DPP10: variants seen among roughly 807,000 people sequenced by gnomAD.
The protein encoded by DPP10 is dipeptidyl peptidase like 10, also known as inactive dipeptidyl peptidase 10.
DPP10 carries 33 observed loss-of-function variants against 120.9 expected under a neutral mutation model. The ratio of observed to expected loss-of-function variants is 0.27; its 90% CI spans 0.21 to 0.37. DPP10 has a LOEUF of 0.37. Among genes scored for constraint, DPP10 ranks in the 10% least tolerant of loss-of-function variants. DPP10 has a pLI of 1.00. For missense variants in DPP10, 816 were observed against 942.8 expected, an observed-to-expected ratio of 0.87 and a Z score of 1.76; for synonymous variants, 337 against 326.1, an observed-to-expected ratio of 1.03 and a Z score of -0.36.
At position 114,742,294 on chromosome 2, in the gene DPP10, T is replaced by A. The variant is rs1022360277; in HGVS notation, c.60+299456T>A. Among the ~76,000 whole-genome samples, 3 of 151,654 alleles carry A rather than the reference T, an allele frequency of 2.0e-5. No homozygotes were observed. In the South Asian group the frequency reaches 6.3e-4, roughly 32 times the overall value. The stretch of plus-strand genomic sequence containing the variant: ...AATTGCAAAAACTAATGTTGACTAA[T>A]GTTAAAATAGTGAAAAAAAATTAAA... On this transcript the variant is annotated intron_variant, in intron 1 of 25. Coordinates refer to ENST00000410059, the MANE Select transcript of DPP10 (RefSeq NM_020868.6).
At chr2:114,613,374 G>C (rs1013058782) in intron 1 of DPP10, among the ~76,000 whole-genome samples, 3 of 152,142 alleles carry the variant, frequency 2.0e-5, no homozygotes, top group Non-Finnish European at 4.4e-5. Flanking sequence ...GAACTGCCAG[G>C]ACACAAAATT....
At position 115,525,948 on chromosome 2, in the gene DPP10, C is replaced by G; in HGVS notation, c.417C>G (p.Val139=). 1 of 1,609,848 alleles carries G rather than the reference C, an allele frequency of 6.2e-7. No individual in the cohort carries two copies. The highest frequency in any genetic ancestry group is 8.5e-7 in the Non-Finnish European group (1 of 1,178,238). The change falls in exon 5 of 26, where the codon GTC becomes GTG. Residue 139 remains valine, a synonymous_variant. Coordinates refer to ENST00000410059, the MANE Select transcript of DPP10 (RefSeq NM_020868.6). Reference sequence around the variant, plus strand: ...CAGTTTCACCAGATTTAAAATATGTCCTTCTGGCATATGATGTCAAACAGG... The same window carrying G: ...CAGTTTCACCAGATTTAAAATATGTGCTTCTGGCATATGATGTCAAACAGG... ...RHSVSPDLKY[V]LLAYDVKQIF...
chr2:115,227,235 A>G (rs144931869), intron 1 of DPP10, among the ~76,000 whole-genome samples: 91 of 152,252 alleles, frequency 6.0e-4, no homozygotes, highest in African/African-American at 2.1e-3. Flanking sequence ...TGAAAAGACA[A>G]TTATGTGAAT....
At chr2:115,566,637 C>T (rs911290838) in intron 5 of DPP10, among the ~76,000 whole-genome samples, 1 of 152,018 alleles carries the variant, frequency 6.6e-6, no homozygotes, top group African/African-American at 2.4e-5. Context: ...GTAAGTTTTT[C>T]CAGGCTCATT....
rs114651933 is a variant in DPP10 at position 115,475,935 on chromosome 2, G to A, written c.272-23575G>A. 7.4e-3 allele frequency among the ~76,000 whole-genome samples: 1,127 copies of A among 152,302 alleles called. 6 individuals are homozygous for A. The highest frequency in any genetic ancestry group is 0.025 in the African/African-American group (1,032 of 41,566). On this transcript the variant is annotated intron_variant, in intron 3 of 25. Coordinates refer to ENST00000410059, the MANE Select transcript of DPP10 (RefSeq NM_020868.6). ...CCTATACCAACATTGTATCTTGGAA[G>A]TAACTAACTTGTTTTTGATTTTACA...
intron 13 of DPP10, among the ~76,000 whole-genome samples, chr2:115,771,168 A>T (rs927947118): frequency 6.6e-6 from 1 of 151,762 alleles, no homozygotes; most frequent in Non-Finnish European, 1.5e-5. Flanking sequence ...CCCTCCTCCC[A>T]GGTTCAAGCC....
chr2:115,624,677 C>T (rs1456942302), intron 5 of DPP10, among the ~76,000 whole-genome samples: 2 of 152,182 alleles, frequency 1.3e-5, no homozygotes, highest in Middle Eastern at 3.4e-3. Context: ...TGTGAAGCAC[C>T]GAGTAGATGG....
chr2:114,784,767 C>G (rs1428531051), intron 1 of DPP10, among the ~76,000 whole-genome samples: 5 of 150,784 alleles, frequency 3.3e-5, no homozygotes, highest in East Asian at 1.9e-4. Flanking sequence ...AATAGAACAA[C>G]TTATAGAACT....
intron 1 of DPP10, among the ~76,000 whole-genome samples, chr2:115,078,913 G>A (rs1708014692): frequency 6.6e-6 from 1 of 152,116 alleles, no homozygotes; most frequent in South Asian, 2.1e-4. Flanking sequence ...TCATGCTGAA[G>A]AGATATTTAT....
chr2:115,703,711 A>G (rs1408711066), intron 7 of DPP10, among the ~76,000 whole-genome samples: 1 of 152,020 alleles, frequency 6.6e-6, no homozygotes, highest in Non-Finnish European at 1.5e-5. Flanking sequence ...TGTTGATCAC[A>G]TCGACTAAAT....
chr2:114,741,210 T>A (rs1678027998), intron 1 of DPP10, among the ~76,000 whole-genome samples: 2 of 152,206 alleles, frequency 1.3e-5, no homozygotes, highest in Admixed American at 6.5e-5. Flanking sequence ...CAAAGCTACT[T>A]ACCAGGCATG....
intron 1 of DPP10, among the ~76,000 whole-genome samples, chr2:114,527,658 G>A (rs989869607): frequency 4.7e-4 from 71 of 152,092 alleles, no homozygotes; most frequent in Non-Finnish European, 9.6e-4. Flanking sequence ...GTTATGCACC[G>A]TTTAATGACA....
At chr2:115,221,433 A>G (rs72955559) in intron 1 of DPP10, among the ~76,000 whole-genome samples, 2,460 of 152,262 alleles carry the variant, frequency 0.016, 59 homozygotes, top group African/African-American at 0.056. Context: ...GGAACAGCCT[A>G]TTTTTGAATA....
At chr2:114,836,233 C>A (rs1416948748) in intron 1 of DPP10, among the ~76,000 whole-genome samples, 1 of 152,114 alleles carries the variant, frequency 6.6e-6, no homozygotes, top group Non-Finnish European at 1.5e-5. Flanking sequence ...CCATTTGTGA[C>A]CCATGTGTAT....
intron 7 of DPP10, among the ~76,000 whole-genome samples, chr2:115,697,724 G>T (rs1193374888): frequency 6.6e-6 from 1 of 152,100 alleles, no homozygotes; most frequent in African/African-American, 2.4e-5. Context: ...AGTGGCTGAC[G>T]CCTGTAATCC....
intron 1 of DPP10, among the ~76,000 whole-genome samples, chr2:114,490,642 A>G (rs937152391): frequency 6.6e-6 from 1 of 152,172 alleles, no homozygotes; most frequent in Non-Finnish European, 1.5e-5. Context: ...GGAGAAGCAA[A>G]GGGGGAGAAG....
chr2:115,520,297 G>A (rs1008192594), intron 4 of DPP10, among the ~76,000 whole-genome samples: 6 of 152,122 alleles, frequency 3.9e-5, no homozygotes, highest in Admixed American at 2.0e-4. Flanking sequence ...CAGCCCGGGT[G>A]ACAGTGCGAG....
chr2:114,733,035 A>C (rs1677068049), intron 1 of DPP10, among the ~76,000 whole-genome samples: 1 of 152,178 alleles, frequency 6.6e-6, no homozygotes, highest in Non-Finnish European at 1.5e-5. Context: ...AGGGAGCTGC[A>C]TCCAGAAAGT....
intron 3 of DPP10, among the ~76,000 whole-genome samples, chr2:115,416,458 G>A (rs2069439583): frequency 6.6e-6 from 1 of 152,048 alleles, no homozygotes; most frequent in Non-Finnish European, 1.5e-5. Flanking sequence ...AAGCAATATT[G>A]ACAGCATGAC....
Sources: gnomAD v4.1 joint callset for allele counts (sites outside exome capture counted in the v4.1 genomes callset) on GRCh38, gnomAD v4.1.1 for gene constraint, MANE v1.5 for transcripts, NCBI Gene and HGNC (gene_info 2026-07-23, HGNC 2026-07-21) for gene names.